BIRC6: variants seen among roughly 807,000 people sequenced by gnomAD.
BIRC6 encodes the protein baculoviral IAP repeat containing 6.
In BIRC6, 98 loss-of-function variants were observed where a neutral mutation model predicts 503.3. The ratio of observed to expected loss-of-function variants is 0.19; its 90% CI spans 0.17 to 0.23. The LOEUF (loss-of-function observed/expected upper bound fraction) is 0.23. BIRC6 is among the 10% of genes least tolerant of loss of function. The probability of loss-of-function intolerance (pLI) is 1.00; values close to 1 mark genes in which losing one functional copy is unlikely to be tolerated. For missense variants in BIRC6, 5,360 were observed against 5,806.0 expected (o/e 0.92, Z 2.50); for synonymous variants, 2,240 against 2,078.7 (o/e 1.08, Z -2.11).
intron 28 of BIRC6, 75 bp downstream of exon 28, chr2:32,468,186 A>C: frequency 6.9e-7 from 1 of 1,452,680 alleles, no homozygotes; most frequent in Non-Finnish European, 9.4e-7. Flanking sequence ...AATTCTGTCA[A>C]GAAATGTCTT....
chr2:32,410,439 T>A (rs1432123280), intron 9 of BIRC6, among the ~76,000 whole-genome samples: 1 of 152,220 alleles, frequency 6.6e-6, no homozygotes, highest in Non-Finnish European at 1.5e-5. Flanking sequence ...TTTAAATAAG[T>A]GAACAGCTTC....
intron 2 of BIRC6, chr2:32,379,271 A>G (rs1258148062): frequency 6.6e-6 from 1 of 152,208 alleles, no homozygotes; most frequent in Non-Finnish European, 1.5e-5. Flanking sequence ...TTGAAAAACC[A>G]TTTGAAAAAA....
chr2:32,426,503 T>A (rs1330308571), intron 10 of BIRC6, among the ~76,000 whole-genome samples: 1 of 152,232 alleles, frequency 6.6e-6, no homozygotes, highest in African/African-American at 2.4e-5. Flanking sequence ...CTCAGGAGGC[T>A]GAGGCAGGGA....
intron 23 of BIRC6, among the ~76,000 whole-genome samples, chr2:32,460,257 T>G (rs2047704571): frequency 3.3e-5 from 1 of 30,118 alleles, no homozygotes; most frequent in Non-Finnish European, 6.7e-5. Flanking sequence ...TATATATATA[T>G]ATATATATAT....
chr2:32,446,673 A>G (rs887783609), intron 21 of BIRC6, among the ~76,000 whole-genome samples: 1 of 144,946 alleles, frequency 6.9e-6, no homozygotes, highest in Non-Finnish European at 1.5e-5. Flanking sequence ...TATAGATTGC[A>G]GGGAACATAG....
chr2:32,602,951 G>GT, intron 70 of BIRC6, 55 bp from the exon 71 acceptor site: 1 of 1,460,514 alleles, frequency 6.8e-7, no homozygotes, highest in South Asian at 1.3e-5. Context: ...CGTTATGACA[G>GT]TTTGTTTTTA....
At chr2:32,603,146 AT>A in intron 71 of BIRC6, 63 bp downstream of exon 71, 4 of 1,271,502 alleles carry the variant, frequency 3.1e-6, no homozygotes, top group Non-Finnish European at 4.4e-6. Context: ...ATTTTAAAAA[AT>A]TTTTAGTGAC....
At chr2:32,504,025 G>A (rs145044188) in intron 49 of BIRC6, among the ~76,000 whole-genome samples, 2,560 of 84,804 alleles carry the variant, frequency 0.03, 54 homozygotes, top group Non-Finnish European at 0.041. Context: ...GCGGGGGGTG[G>A]GGGGGTGTTT....
chr2:32,525,404 C>T, intron 58 of BIRC6, 60 bp from the exon 59 acceptor site: 1 of 1,566,910 alleles, frequency 6.4e-7, no homozygotes, highest in African/African-American at 1.4e-5. Context: ...TTTAGGAACA[C>T]TGTTTTCCTT....
At position 32,540,651 on chromosome 2, in the gene BIRC6, A is replaced by T. The variant is rs571649119; in HGVS notation, c.12292-2590A>T. Among the ~76,000 whole-genome samples, 7 of 152,142 alleles carry T rather than the reference A, an allele frequency of 4.6e-5. No individual in the cohort carries two copies. In the East Asian group the frequency reaches 1.3e-3, roughly 29 times the overall value. On this transcript the variant is annotated intron_variant, in intron 61 of 73. Transcript: ENST00000421745. ...CTAAAACAGTTCTGTTTGAATCGTT[A>T]TACTTGTGACATTTATGTAAATATC...
chr2:32,464,212 A>G (rs1343657921), intron 24 of BIRC6, among the ~76,000 whole-genome samples: 4 of 152,182 alleles, frequency 2.6e-5, no homozygotes, highest in Non-Finnish European at 5.9e-5. Context: ...TCAACTCCTT[A>G]TAATATTTTG....
rs1559168911 is a variant in BIRC6 at position 32,618,224 on chromosome 2, T to TTA, written c.*321_*322insAT. ...GAATGTTTACTGAATGTTTATTTTATTTTATTTTTTTTTTACTATAGAGTG... is the reference window on the plus strand; with the variant it reads ...GAATGTTTACTGAATGTTTATTTTATTATTTATTTTTTTTTTACTATAGAGTG... On this transcript the variant is annotated 3_prime_UTR_variant, in exon 74 of 74. Transcript: ENST00000421745. 1 of 143,242 alleles carries TTA rather than the reference T, an allele frequency of 7.0e-6. No homozygotes were observed. Among genetic ancestry groups the TTA allele is most frequent in the South Asian group, 2.2e-4 (1 of 4,586 alleles). 8.9% of individuals were successfully genotyped at this position (143,242 alleles called of 1,614,324 possible).
chr2:32,482,322 G>A (rs1473511604), intron 38 of BIRC6, 107 bp from the exon 39 acceptor site: 3 of 1,085,270 alleles, frequency 2.8e-6, no homozygotes, highest in Non-Finnish European at 3.9e-6. Context: ...TTAAAGGGTG[G>A]ATAGAATATT....
chr2:32,478,540 A>G (rs566330354), intron 35 of BIRC6, 95 bp from the exon 36 acceptor site: 9 of 1,082,804 alleles, frequency 8.3e-6, no homozygotes, highest in South Asian at 7.9e-5. Flanking sequence ...GTTGAAACCT[A>G]TTGTTCAGTG....
chr2:32,421,828 G>A (rs74830110), intron 10 of BIRC6, among the ~76,000 whole-genome samples: 2,398 of 152,268 alleles, frequency 0.016, 48 homozygotes, highest in African/African-American at 0.055. Context: ...GTAGAGTGTC[G>A]TATAAATTTC....
At chr2:32,566,765 TAA>T (rs2059560861) in intron 65 of BIRC6, among the ~76,000 whole-genome samples, 2 of 152,346 alleles carry the variant, frequency 1.3e-5, no homozygotes, top group Admixed American at 6.5e-5. Flanking sequence ...ATTTTCATCA[TAA>T]GTTTTTTTGT....
At chr2:32,463,949 T>G (rs922829295) in intron 24 of BIRC6, among the ~76,000 whole-genome samples, 4 of 152,148 alleles carry the variant, frequency 2.6e-5, no homozygotes, top group Non-Finnish European at 5.9e-5. Context: ...GCATGAACAT[T>G]ATTGTGAACT....
At chr2:32,581,135 C>T (rs1384340094) in intron 66 of BIRC6, among the ~76,000 whole-genome samples, 1 of 152,186 alleles carries the variant, frequency 6.6e-6, no homozygotes, top group African/African-American at 2.4e-5. Context: ...CAAAAAGCAT[C>T]TTAAATCTTT....
chr2:32,457,232 G>A (rs1246622634), intron 23 of BIRC6, among the ~76,000 whole-genome samples: 1 of 152,088 alleles, frequency 6.6e-6, no homozygotes. Flanking sequence ...TTTATAAGTG[G>A]CATGTAGTTG....
Sources: gnomAD v4.1 joint callset for allele counts (sites outside exome capture counted in the v4.1 genomes callset) on GRCh38, gnomAD v4.1.1 for gene constraint, MANE v1.5 for transcripts, NCBI Gene and HGNC (gene_info 2026-07-23, HGNC 2026-07-21) for gene names.